Variants in DHRS7C observed in about 807,000 individuals in gnomAD.
The protein encoded by DHRS7C is dehydrogenase/reductase SDR family member 7C.
In DHRS7C, 28 loss-of-function variants were observed where a neutral mutation model predicts 29.6. That is an observed-to-expected ratio of 0.95 (90% CI 0.70 to 1.30). The LOEUF (loss-of-function observed/expected upper bound fraction) is 1.30, where lower values mean the gene tolerates loss of function less well. DHRS7C is among the 50% of genes most tolerant of loss of function. The probability of loss-of-function intolerance (pLI) is 0.00; values close to 1 mark genes in which losing one functional copy is unlikely to be tolerated. For synonymous variants in DHRS7C, 158 were observed against 160.2 expected (o/e 0.99, Z 0.10); for missense variants, 403 against 393.3 (o/e 1.02, Z -0.21).
In DHRS7C at chr17:9,772,635, T is replaced by C. The variant is rs1402141557; in HGVS notation, c.727+132A>G. The C allele has an allele frequency of 9.1e-6, 11 of 1,213,312 alleles. 1 individual carries two copies. The highest frequency in any genetic ancestry group is 6.3e-5 in the South Asian group (4 of 63,926). 75.2% of individuals were successfully genotyped at this position (1,213,312 alleles called of 1,614,324 possible). A position where few individuals can be genotyped will look rare whatever the true frequency, so the allele number is the denominator to read the frequency against. On this transcript the variant is annotated intron_variant, in intron 5 of 5. Transcript: ENST00000571134. Reference sequence around the variant, plus strand: ...GGGGCCCCGCCCTGCTGTTGGGGGTTGCTGAGCCTCCTCCACCCCCATCCC... The same window carrying C: ...GGGGCCCCGCCCTGCTGTTGGGGGTCGCTGAGCCTCCTCCACCCCCATCCC...
chr17:9,783,140 T>G (rs1390681457), intron 1 of DHRS7C, among the ~76,000 whole-genome samples: 1 of 152,058 alleles, frequency 6.6e-6, no homozygotes, highest in Non-Finnish European at 1.5e-5. Context: ...GAGGTCTCCA[T>G]GAGGCCTTAA....
intron 1 of DHRS7C, among the ~76,000 whole-genome samples, chr17:9,790,110 A>G (rs1053873200): frequency 6.6e-6 from 1 of 152,120 alleles, no homozygotes; most frequent in African/African-American, 2.4e-5. Flanking sequence ...AGGCTCTGAG[A>G]AAATTCTCAG....
intron 1 of DHRS7C, among the ~76,000 whole-genome samples, chr17:9,790,812 C>T (rs1053929709): frequency 2.0e-5 from 3 of 152,192 alleles, no homozygotes; most frequent in African/African-American, 7.2e-5. Context: ...CAGTACATTG[C>T]CCCAGCTAAA....
intron 3 of DHRS7C, among the ~76,000 whole-genome samples, chr17:9,777,497 G>A (rs1407560381): frequency 6.6e-6 from 1 of 151,566 alleles, no homozygotes; most frequent in African/African-American, 2.4e-5. Context: ...ATTTTAAATT[G>A]GTGCTTTCCC....
chr17:9,771,780 G>A lies in DHRS7C; in HGVS notation c.728-84C>T, dbSNP rs2066330372. On this transcript the variant is annotated intron_variant, in intron 5 of 5. Coordinates refer to ENST00000571134, the MANE Select transcript of DHRS7C (RefSeq NM_001105571.3). ...AGCCCTGCACATGCACAAAGGCTGA[G>A]GGGCGGGAAGCGTGGGCTGTCCCCG... 5.6e-6 allele frequency: 7 copies of A among 1,259,196 alleles called. No individual in the cohort carries two copies. In the Admixed American group the frequency reaches 1.2e-4, roughly 21 times the overall value. The allele number at this position is 1,259,196 out of a possible 1,614,324, so 78.0% of individuals were successfully genotyped here.
chr17:9,790,382 A>T (rs972705716), intron 1 of DHRS7C, among the ~76,000 whole-genome samples: 1 of 152,234 alleles, frequency 6.6e-6, no homozygotes, highest in Non-Finnish European at 1.5e-5. Context: ...CTTAAGGACA[A>T]TTACGGCCCC....
At chr17:9,786,337 T>A (rs2066423569) in intron 1 of DHRS7C, among the ~76,000 whole-genome samples, 1 of 138,284 alleles carries the variant, frequency 7.2e-6, no homozygotes. Context: ...CAAATAATAA[T>A]AATAATAATA....
At chr17:9,782,384 C>T (rs2066397849) in intron 1 of DHRS7C, among the ~76,000 whole-genome samples, 1 of 152,148 alleles carries the variant, frequency 6.6e-6, no homozygotes, top group African/African-American at 2.4e-5. Context: ...CAGAGACAGC[C>T]TATCGGGGAG....
In DHRS7C at chr17:9,775,001, A is replaced by G. The variant is rs543999842; in HGVS notation, c.572-2079T>C. ...GCCTTGAGAGAATTCTGAGTCCCCA[A>G]TACTGTGTTTTGCAAATGTTCCCAG... is the stretch of plus-strand genomic sequence containing the variant. On this transcript the variant is annotated intron_variant, in intron 4 of 5. Coordinates refer to ENST00000571134, the MANE Select transcript of DHRS7C (RefSeq NM_001105571.3). This position sits in a 1 kb window ranked among gnomAD's most constrained non-coding sequence, Gnocchi z 4.2. Among the ~76,000 whole-genome samples, 2 of 152,138 alleles carry G rather than the reference A, an allele frequency of 1.3e-5. No individual in the cohort carries two copies. The highest frequency in any genetic ancestry group is 2.9e-5 in the Non-Finnish European group (2 of 68,020).
intron 4 of DHRS7C, among the ~76,000 whole-genome samples, chr17:9,773,441 T>C (rs957163384): frequency 6.6e-6 from 1 of 152,050 alleles, no homozygotes; most frequent in African/African-American, 2.4e-5. Flanking sequence ...CCAAATCCAG[T>C]TCAAATCGTA....
At chr17:9,783,277 G>A (rs1260814099) in intron 1 of DHRS7C, among the ~76,000 whole-genome samples, 1 of 152,198 alleles carries the variant, frequency 6.6e-6, no homozygotes, top group African/African-American at 2.4e-5. Flanking sequence ...TGTTACGGCT[G>A]CAGAGAGGGA....
rs776786227 is a variant in DHRS7C, at chr17:9,779,835, T to A, written c.468A>T (p.Thr156=). 6 of 1,612,440 alleles carry A rather than the reference T, an allele frequency of 3.7e-6. No individual in the cohort carries two copies. In the African/African-American group the frequency reaches 6.7e-5, roughly 18 times the overall value. The part of the protein sequence containing the change: ...IMDANYFGPI[T]LTKALLPNMI... ...TCAAACTCACGAGACCTTTCGTCAA[T>A]GTGATGGGGCCAAAGTAATTGGCAT... is the stretch of plus-strand genomic sequence containing the variant. Residue 156 remains threonine, a synonymous_variant, in exon 3 of 6, where the codon ACA becomes ACT. Coordinates refer to ENST00000571134, the MANE Select transcript of DHRS7C (RefSeq NM_001105571.3).
At position 9,781,474 on chromosome 17, in the gene DHRS7C, G is replaced by T. The variant is rs1247055742; in HGVS notation, c.267+8C>A. 4 of 1,613,518 alleles carry T rather than the reference G, an allele frequency of 2.5e-6. No homozygotes were observed. On this transcript the variant is annotated splice_region_variant and intron_variant, in intron 2 of 5. Transcript: ENST00000571134. ...GAGTTACCCACGCCTACTGCTAGAA[G>T]ACCTTACCTTGCTGGGGTCAGCCAC...
At chr17:9,783,955 GTT>G (rs375176596) in intron 1 of DHRS7C, among the ~76,000 whole-genome samples, 1 of 137,504 alleles carries the variant, frequency 7.3e-6, no homozygotes, top group African/African-American at 2.7e-5. Flanking sequence ...TTGTTTTTTT[GTT>G]TTTTTTTTTA....
rs2066349422 is a variant in DHRS7C at position 9,774,383 on chromosome 17, C to T, written c.572-1461G>A. ...CACTGCAATCTCTGCCTCCCGGGCTCAAGCAATTCTCCAGCCTTAGCCTCC... is the reference window on the plus strand; with the variant it reads ...CACTGCAATCTCTGCCTCCCGGGCTTAAGCAATTCTCCAGCCTTAGCCTCC... On this transcript the variant is annotated intron_variant, in intron 4 of 5. Coordinates refer to ENST00000571134, the MANE Select transcript of DHRS7C (RefSeq NM_001105571.3). This position sits in a 1 kb window ranked among gnomAD's most constrained non-coding sequence, Gnocchi z 5.0. Among the ~76,000 whole-genome samples, 1 of 152,208 alleles carries T rather than the reference C, an allele frequency of 6.6e-6. No individual in the cohort carries two copies. Among genetic ancestry groups the T allele is most frequent in the Admixed American group, 6.5e-5 (1 of 15,284 alleles).
intron 1 of DHRS7C, among the ~76,000 whole-genome samples, chr17:9,789,895 C>T (rs1375892078): frequency 1.3e-5 from 2 of 152,022 alleles, no homozygotes; most frequent in Non-Finnish European, 2.9e-5. Flanking sequence ...GTTTGTGTAC[C>T]TCGCTCCCTT....
At chr17:9,782,765 C>G (rs919584041) in intron 1 of DHRS7C, among the ~76,000 whole-genome samples, 5 of 152,210 alleles carry the variant, frequency 3.3e-5, no homozygotes, top group Non-Finnish European at 7.3e-5. Context: ...CAGGGAAGAA[C>G]CTATCATTGT....
chr17:9,784,739 T>C (rs892229682), intron 1 of DHRS7C, among the ~76,000 whole-genome samples: 3 of 152,102 alleles, frequency 2.0e-5, no homozygotes, highest in Admixed American at 2.0e-4. Flanking sequence ...CAGTAATACA[T>C]AAATGCAAAC....
At chr17:9,786,389 G>A (rs893094346) in intron 1 of DHRS7C, among the ~76,000 whole-genome samples, 2 of 145,510 alleles carry the variant, frequency 1.4e-5, no homozygotes, top group Admixed American at 6.8e-5. Flanking sequence ...GTCAGGAACC[G>A]CCTGATTTTT....
Sources: gnomAD v4.1 joint callset for allele counts (sites outside exome capture counted in the v4.1 genomes callset) on GRCh38, gnomAD v4.1.1 for gene constraint, Gnocchi (gnomAD v3.1) non-coding constraint, MANE v1.5 for transcripts, NCBI Gene and HGNC (gene_info 2026-07-23, HGNC 2026-07-21) for gene names.